The following CTNNA2 variants were observed in gnomAD, a reference collection of about 807,000 sequenced individuals.
CTNNA2 encodes catenin alpha 2.
CTNNA2 carries 42 observed loss-of-function variants against 101.0 expected under a neutral mutation model. The observed-to-expected ratio is 0.42, with a 90% CI of 0.32 to 0.54. CTNNA2 has a LOEUF of 0.54. Ranked by LOEUF, CTNNA2 falls within the 20% of genes least tolerant of loss-of-function variation. The pLI, the probability that CTNNA2 is intolerant of heterozygous loss-of-function variation, is 0.14. For synonymous variants in CTNNA2, 450 were observed against 456.4 expected (o/e 0.99, Z 0.18); for missense variants, 871 against 1,223.1 (o/e 0.71, Z 4.29).
At chr2:79,263,061 A>T (rs1311016540) in intron 2 of CTNNA2, among the ~76,000 whole-genome samples, 1 of 152,214 alleles carries the variant, frequency 6.6e-6, no homozygotes, top group African/African-American at 2.4e-5. Context: ...AGTCTATAAG[A>T]TACAAGGAAA....
intron 15 of CTNNA2, among the ~76,000 whole-genome samples, chr2:80,597,131 G>A (rs1164108276): frequency 6.6e-6 from 1 of 152,078 alleles, no homozygotes; most frequent in Non-Finnish European, 1.5e-5. Context: ...GAGGATTTTT[G>A]CATCGATGTT....
rs1208453821 is a variant in CTNNA2 at position 80,081,138 on chromosome 2, C to G, written c.1056+171341C>G. On this transcript the variant is annotated intron_variant, in intron 7 of 18. Transcript: ENST00000402739. ...AGCGTGGTCGGGTGAGGAGCAAATG[C>G]TTAAAGAACTTCCCCTTAATAAAAA... is the stretch of plus-strand genomic sequence containing the variant. Among the ~76,000 whole-genome samples the G allele has an allele frequency of 2.0e-5, 3 of 149,960 alleles. No individual in the cohort carries two copies. The East Asian group carries it at 5.9e-4, about 29-fold the overall frequency.
chr2:79,961,180 A>G (rs1414650221), intron 7 of CTNNA2, among the ~76,000 whole-genome samples: 2 of 152,184 alleles, frequency 1.3e-5, no homozygotes, highest in Admixed American at 1.3e-4. Context: ...TGTGAGTTGC[A>G]GGCTCCCCAT....
chr2:80,439,166 G>A (rs1387762827), intron 9 of CTNNA2, among the ~76,000 whole-genome samples: 2 of 151,748 alleles, frequency 1.3e-5, no homozygotes, highest in Admixed American at 6.6e-5. Context: ...GACTACTTTC[G>A]GGTCTTTTGC....
intron 2 of CTNNA2, among the ~76,000 whole-genome samples, chr2:79,212,117 C>A (rs909612870): frequency 3.9e-5 from 6 of 152,136 alleles, no homozygotes; most frequent in Non-Finnish European, 8.8e-5. Context: ...CATAGCCCTG[C>A]CAGCAAAGAT....
rs183284180 is a variant in CTNNA2 at position 80,435,743 on chromosome 2, C to T, written c.1290+16142C>T. The stretch of plus-strand genomic sequence containing the variant: ...AACCACAGAGCGGACATAGTTCATA[C>T]TCCATAAGCGCTTAATAGCTGAGGG... On this transcript the variant is annotated intron_variant, in intron 9 of 18. Coordinates refer to ENST00000402739, the MANE Select transcript of CTNNA2 (RefSeq NM_001282597.3). 1.4e-4 allele frequency among the ~76,000 whole-genome samples: 22 copies of T among 152,316 alleles called. No individual in the cohort carries two copies. The East Asian group carries it at 2.9e-3, about 20-fold the overall frequency.
At chr2:79,244,357 C>A (rs1229540791) in intron 2 of CTNNA2, among the ~76,000 whole-genome samples, 1 of 152,220 alleles carries the variant, frequency 6.6e-6, no homozygotes, top group Non-Finnish European at 1.5e-5. Context: ...TTTGATCCAA[C>A]ACTGTGCTCT....
intron 4 of CTNNA2, among the ~76,000 whole-genome samples, chr2:79,430,487 C>A (rs954997225): frequency 6.6e-6 from 1 of 152,038 alleles, no homozygotes; most frequent in Admixed American, 6.6e-5. Context: ...GCAGAAACTT[C>A]CAAAACCAAA....
chr2:80,187,458 A>G (rs1256434013), intron 7 of CTNNA2, among the ~76,000 whole-genome samples: 2 of 152,232 alleles, frequency 1.3e-5, no homozygotes, highest in African/African-American at 4.8e-5. Flanking sequence ...TTGGTTTATA[A>G]ATCAACTACG....
intron 7 of CTNNA2, among the ~76,000 whole-genome samples, chr2:80,359,834 C>T (rs1674223766): frequency 6.6e-6 from 1 of 152,088 alleles, no homozygotes; most frequent in Non-Finnish European, 1.5e-5. Context: ...AATCTTCCAA[C>T]CTAATTTTTC....
chr2:80,132,908 A>G (rs916183224), intron 7 of CTNNA2, among the ~76,000 whole-genome samples: 2 of 152,186 alleles, frequency 1.3e-5, no homozygotes, highest in Non-Finnish European at 1.5e-5. Context: ...CATGACTCAT[A>G]TGGATATAAA....
intron 4 of CTNNA2, among the ~76,000 whole-genome samples, chr2:79,433,613 A>G (rs941785509): frequency 1.6e-5 from 2 of 127,090 alleles, no homozygotes; most frequent in African/African-American, 6.2e-5. Flanking sequence ...AGCTCACTGT[A>G]TGCCTTTGAG....
chr2:79,953,262 A>G (rs1432834951), intron 7 of CTNNA2, among the ~76,000 whole-genome samples: 1 of 152,078 alleles, frequency 6.6e-6, no homozygotes, highest in East Asian at 1.9e-4. Flanking sequence ...TCCCTGAAGC[A>G]TTTCTTTCAC....
chr2:79,543,713 T>C (rs1024507861), intron 1 of CTNNA2, among the ~76,000 whole-genome samples: 4 of 152,206 alleles, frequency 2.6e-5, no homozygotes, highest in Admixed American at 6.5e-5. Context: ...ATAGGCTATA[T>C]AATAGTGCAG....
intron 1 of CTNNA2, among the ~76,000 whole-genome samples, chr2:79,531,708 G>A (rs1050346874): frequency 6.0e-5 from 9 of 150,216 alleles, no homozygotes; most frequent in African/African-American, 2.2e-4. Flanking sequence ...TTGAGACAGA[G>A]TCTCACTCTG....
intron 7 of CTNNA2, among the ~76,000 whole-genome samples, chr2:80,176,443 C>A (rs1200849795): frequency 1.3e-5 from 2 of 152,210 alleles, no homozygotes; most frequent in Admixed American, 6.5e-5. Flanking sequence ...ACGACAATTA[C>A]CATCTTTGTT....
intron 9 of CTNNA2, among the ~76,000 whole-genome samples, chr2:80,540,151 T>G (rs942601817): frequency 6.6e-6 from 1 of 152,198 alleles, no homozygotes; most frequent in Non-Finnish European, 1.5e-5. Flanking sequence ...CCACCATTCC[T>G]TTCCTCCTCC....
upstream of CTNNA2, among the ~76,000 whole-genome samples, chr2:79,509,390 G>A (rs1671486820): frequency 1.3e-5 from 2 of 152,136 alleles, no homozygotes; most frequent in Admixed American, 6.6e-5. Context: ...GAGTGGATAA[G>A]TTGTGGTAAA....
chr2:79,807,211 T>G (rs1428104604), intron 3 of CTNNA2, among the ~76,000 whole-genome samples: 3 of 152,192 alleles, frequency 2.0e-5, no homozygotes, highest in Admixed American at 6.5e-5. Flanking sequence ...TTTTCTTTTG[T>G]GTTACCTCCT....
Sources: gnomAD v4.1 joint callset for allele counts (sites outside exome capture counted in the v4.1 genomes callset) on GRCh38, gnomAD v4.1.1 for gene constraint, MANE v1.5 for transcripts, NCBI Gene and HGNC (gene_info 2026-07-23, HGNC 2026-07-21) for gene names.